Variants in USP34 observed in about 807,000 individuals in gnomAD.
The protein encoded by USP34 is ubiquitin carboxyl-terminal hydrolase 34.
Under a neutral mutation model 460.3 loss-of-function variants are expected in USP34, and 70 were observed. The ratio of observed to expected loss-of-function variants is 0.15; its 90% CI spans 0.13 to 0.19. The LOEUF is 0.19. USP34 is among the 10% of genes least tolerant of loss of function. The pLI, the probability that USP34 is intolerant of heterozygous loss-of-function variation, is 1.00. For missense variants in USP34, 3,985 were observed against 4,236.2 expected, an observed-to-expected ratio of 0.94 and a Z score of 1.65; for synonymous variants, 1,647 against 1,405.3, an observed-to-expected ratio of 1.17 and a Z score of -3.85.
intron 2 of USP34, among the ~76,000 whole-genome samples, chr2:61,416,260 G>C (rs530902865): frequency 6.6e-6 from 1 of 152,260 alleles, no homozygotes; most frequent in Non-Finnish European, 1.5e-5. Context: ...CTATTTAAAA[G>C]CAACGGCTTC....
In USP34 at chr2:61,379,064, A is replaced by T. The variant is rs371516274; in HGVS notation, c.1015-640T>A. 3.9e-4 allele frequency among the ~76,000 whole-genome samples: 59 copies of T among 152,312 alleles called. 1 individual carries two copies. The highest frequency in any genetic ancestry group is 1.4e-3 in the African/African-American group (59 of 41,574). The stretch of plus-strand genomic sequence containing the variant: ...GAGCAAGTAATATGTCATTATAGAC[A>T]AAGTTTCAGGAAAGACTCCCCAGAT... On this transcript the variant is annotated intron_variant, in intron 7 of 79. Transcript: ENST00000398571.
chr2:61,223,123 A>G lies in USP34; in HGVS notation c.7686T>C (p.Asn2562=), dbSNP rs772084002. ...AAATCAGATTACAAGTTTGTCTTAT[A>G]TTGATGCCATCACGAATATGTTGAA... ...FLFQHIRDGI[N]IRQTCNLIFS... The change falls in exon 64 of 80, where the codon AAT becomes AAC. Residue 2562 remains asparagine, a synonymous_variant. Coordinates refer to ENST00000398571, the MANE Select transcript of USP34 (RefSeq NM_014709.4). 3.7e-6 allele frequency: 6 copies of G among 1,614,016 alleles called. No homozygotes were observed. Among genetic ancestry groups the G allele is most frequent in the Non-Finnish European group, 5.1e-6 (6 of 1,180,002 alleles).
intron 18 of USP34, 71 bp from the exon 19 acceptor site, chr2:61,334,042 T>G: frequency 9.0e-7 from 1 of 1,116,852 alleles, no homozygotes; most frequent in South Asian, 1.8e-5. Flanking sequence ...ATTTAAAATT[T>G]TAAATGCTAA....
rs143558204 is a variant in USP34 at position 61,381,775 on chromosome 2, C to T, written c.822-1414G>A. Among the ~76,000 whole-genome samples the T allele has an allele frequency of 5.7e-3, 866 of 152,236 alleles. 13 individuals carry two copies. The highest frequency in any genetic ancestry group is 7.5e-3 in the Admixed American group (115 of 15,290). ...AGGTGACTCCTATGGTTTTTAAATA[C>T]CATCTTTACACTCACAACTCTTACA... On this transcript the variant is annotated intron_variant, in intron 6 of 79. Coordinates refer to ENST00000398571, the MANE Select transcript of USP34 (RefSeq NM_014709.4).
chr2:61,449,910 A>G (rs1320480800), intron 1 of USP34, among the ~76,000 whole-genome samples: 2 of 152,124 alleles, frequency 1.3e-5, no homozygotes, highest in African/African-American at 4.8e-5. Flanking sequence ...TACTAAAAAT[A>G]CAAAAATAAG....
rs1689587471 is a variant in USP34 at position 61,283,227 on chromosome 2, C to G, written c.4916G>C (p.Cys1639Ser). 6.2e-7 allele frequency: 1 copy of G among 1,613,384 alleles called. No individual in the cohort carries two copies. The highest frequency in any genetic ancestry group is 1.3e-5 in the African/African-American group (1 of 74,820). Residue 1639 changes from cysteine (C) to serine (S), a missense_variant, in exon 37 of 80, where the codon TGC becomes TCC. Coordinates refer to ENST00000398571, the MANE Select transcript of USP34 (RefSeq NM_014709.4). Reference sequence around the variant, plus strand: ...AAGGCTAGATTTCACTAAAGAACAGCAATGAGCCCAACTCACCAAGAGCCA... The same window carrying G: ...AAGGCTAGATTTCACTAAAGAACAGGAATGAGCCCAACTCACCAAGAGCCA... ...SMWLLVSWAHCCSLVKSSLAD... is the reference protein window; with the variant it reads ...SMWLLVSWAHSCSLVKSSLAD...
chr2:61,372,414 T>C (rs1370087458), intron 8 of USP34, among the ~76,000 whole-genome samples: 1 of 152,216 alleles, frequency 6.6e-6, no homozygotes, highest in Non-Finnish European at 1.5e-5. Context: ...CCACTATTAT[T>C]TAAGTCTATT....
Position 61,350,703 on chromosome 2 carries a change from C to A in USP34, c.1252-10G>T. The A allele has an allele frequency of 6.2e-7, 1 of 1,603,926 alleles. No homozygotes were observed. The highest frequency in any genetic ancestry group is 8.5e-7 in the Non-Finnish European group (1 of 1,177,060). Reference sequence around the variant, plus strand: ...GACTACAATGTTTCAACTAGAAAATCAAGTTAGAGAGAATGGTCAAAAATA... The same window carrying A: ...GACTACAATGTTTCAACTAGAAAATAAAGTTAGAGAGAATGGTCAAAAATA... On this transcript the variant is annotated splice_polypyrimidine_tract_variant and intron_variant, in intron 10 of 79. Transcript: ENST00000398571.
intron 1 of USP34, among the ~76,000 whole-genome samples, chr2:61,462,095 C>T (rs985421205): frequency 2.0e-5 from 3 of 151,666 alleles, no homozygotes; most frequent in African/African-American, 7.3e-5. Flanking sequence ...AAAAATTAGT[C>T]AGGCATGGTG....
At chr2:61,226,972 T>C in intron 62 of USP34, 95 bp downstream of exon 62, 1 of 1,353,260 alleles carries the variant, frequency 7.4e-7, no homozygotes, top group Non-Finnish European at 9.8e-7. Context: ...TAAACATATA[T>C]AATAAAAAGC....
At chr2:61,453,184 G>A (rs1426052363) in intron 1 of USP34, among the ~76,000 whole-genome samples, 1 of 152,094 alleles carries the variant, frequency 6.6e-6, no homozygotes, top group Non-Finnish European at 1.5e-5. Context: ...GCCGAAGCGG[G>A]TGGATTGCTA....
At chr2:61,293,404 T>C (rs1689922884) in intron 33 of USP34, 60 bp downstream of exon 33, 2 of 1,293,998 alleles carry the variant, frequency 1.5e-6, no homozygotes, top group Non-Finnish European at 2.2e-6. Context: ...GCTGATGAAA[T>C]GGAAGTATTT....
At chr2:61,254,017 G>A (rs1199805239) in intron 48 of USP34, among the ~76,000 whole-genome samples, 1 of 152,216 alleles carries the variant, frequency 6.6e-6, no homozygotes, top group Non-Finnish European at 1.5e-5. Flanking sequence ...TTACAGGCAT[G>A]TGCCACCGTG....
intron 41 of USP34, among the ~76,000 whole-genome samples, chr2:61,266,851 G>GT (rs1689063442): frequency 2.6e-5 from 4 of 152,290 alleles, no homozygotes; most frequent in Middle Eastern, 3.4e-3. Context: ...AACGTCACTG[G>GT]TAAGTAAACA....
At chr2:61,433,615 C>G (rs1694736738) in intron 1 of USP34, among the ~76,000 whole-genome samples, 1 of 152,110 alleles carries the variant, frequency 6.6e-6, no homozygotes, top group African/African-American at 2.4e-5. Context: ...GCCTGGGCAA[C>G]AGAGTAAGAC....
intron 2 of USP34, chr2:61,416,926 G>A (rs1694214065): frequency 8.8e-7 from 1 of 1,132,618 alleles, no homozygotes; most frequent in Non-Finnish European, 1.3e-6. Flanking sequence ...GCCATGAATG[G>A]CGACATACTT....
chr2:61,258,981 C>T (rs560738924), intron 44 of USP34, among the ~76,000 whole-genome samples: 4 of 152,098 alleles, frequency 2.6e-5, no homozygotes, highest in Non-Finnish European at 4.4e-5. Flanking sequence ...CAGACAGCTC[C>T]GGGCACGGTG....
intron 41 of USP34, among the ~76,000 whole-genome samples, chr2:61,276,725 C>G (rs1689383659): frequency 6.6e-6 from 1 of 152,102 alleles, no homozygotes; most frequent in African/African-American, 2.4e-5. Context: ...GTAAATCTAT[C>G]AAATCATTTC....
At chr2:61,397,718 G>A (rs1693579450) in intron 3 of USP34, among the ~76,000 whole-genome samples, 1 of 151,934 alleles carries the variant, frequency 6.6e-6, no homozygotes, top group African/African-American at 2.4e-5. Context: ...GGACAACATG[G>A]TGAAACCCCA....
Sources: gnomAD v4.1 joint callset for allele counts (sites outside exome capture counted in the v4.1 genomes callset) on GRCh38, gnomAD v4.1.1 for gene constraint, MANE v1.5 for transcripts, NCBI Gene and HGNC (gene_info 2026-07-23, HGNC 2026-07-21) for gene names.